Variants in CEACAM20 observed in about 807,000 individuals in gnomAD.
CEACAM20 encodes the protein CEA cell adhesion molecule 20.
In CEACAM20, 50 loss-of-function variants were observed where a neutral mutation model predicts 61.2. The observed-to-expected ratio is 0.82, with a 90% confidence interval of 0.65 to 1.03. CEACAM20 has a LOEUF of 1.03. Among genes scored for constraint, CEACAM20 ranks in the 50% least tolerant of loss-of-function variants. The pLI is 0.00. For synonymous variants in CEACAM20, 282 were observed against 287.7 expected, an observed-to-expected ratio of 0.98 and a Z score of 0.20; for missense variants, 683 against 736.4, an observed-to-expected ratio of 0.93 and a Z score of 0.84.
Position 44,521,262 on chromosome 19 carries a change from G to A in CEACAM20, c.752-510C>T, listed in dbSNP as rs539042650. On this transcript the variant is annotated intron_variant, in intron 4 of 11. Transcript: ENST00000614924. The stretch of plus-strand genomic sequence containing the variant: ...TGTCTGTTGTATATATGTGTTGAGG[G>A]TGTTGACTGTATGGTATATGGTGTG... Among the ~76,000 whole-genome samples the A allele has an allele frequency of 5.9e-5, 9 of 151,978 alleles. No homozygotes were observed. In the South Asian group the frequency reaches 1.7e-3, roughly 28 times the overall value.
At chr19:44,520,023 C>T (rs1048179619) in intron 5 of CEACAM20, among the ~76,000 whole-genome samples, 62 of 152,334 alleles carry the variant, frequency 4.1e-4, no homozygotes, top group African/African-American at 1.4e-3. Flanking sequence ...GTCTCTCAGT[C>T]TGATGGCTCT....
rs759671570 is a variant in CEACAM20 at position 44,517,019 on chromosome 19, C to T, written c.1236G>A (p.Gly412=). Residue 412 remains glycine (G), a synonymous_variant, in exon 6 of 12, where the codon GGG becomes GGA. Transcript: ENST00000614924. The part of the protein sequence containing the change: ...IIRALTWEHD[G]IYNCTASNSL... ...AGTTGGAGGCTGTGCAGTTGTAGATCCCGTCGTGTTCCCAGGTCAGAGCCC... is the reference window on the plus strand; with the variant it reads ...AGTTGGAGGCTGTGCAGTTGTAGATTCCGTCGTGTTCCCAGGTCAGAGCCC... 1 of 1,596,702 alleles carries T rather than the reference C, an allele frequency of 6.3e-7. No individual in the cohort carries two copies. The highest frequency in any genetic ancestry group is 1.3e-5 in the African/African-American group (1 of 74,766).
intron 4 of CEACAM20, among the ~76,000 whole-genome samples, chr19:44,521,868 T>C (rs1286703341): frequency 6.6e-6 from 1 of 152,110 alleles, no homozygotes; most frequent in Non-Finnish European, 1.5e-5. Context: ...TCTGTGTGTG[T>C]ACGGAGTGTG....
chr19:44,528,153 CTTTCTTTT>C lies in CEACAM20; in HGVS notation c.52+1297_52+1304del, dbSNP rs1339317468. ...TGGTATCTCTTTCTTTCTTTTCTTT[CTTTCTTTT>C]CTTTCTTTCCTTTCTTTCTTTCCTT... is the stretch of plus-strand genomic sequence containing the variant. On this transcript the variant is annotated intron_variant, in intron 1 of 11. Transcript: ENST00000614924. 4.4e-5 allele frequency among the ~76,000 whole-genome samples: 5 copies of C among 113,088 alleles called. No homozygotes were observed. The East Asian group carries it at 1.5e-3, about 33-fold the overall frequency. 74.2% of individuals were successfully genotyped at this position (113,088 alleles called of 152,430 possible).
rs146430489 is a variant in CEACAM20 at position 44,527,447 on chromosome 19, C to T, written c.52+2011G>A. ...ATGTTCCCTATCTGAGCCTCAGTTT[C>T]CCCATTTGAAAAATGGCGGTAGTAA... is the stretch of plus-strand genomic sequence containing the variant. On this transcript the variant is annotated intron_variant, in intron 1 of 11. Transcript: ENST00000614924. Among the ~76,000 whole-genome samples the T allele has an allele frequency of 4.2e-3, 632 of 152,262 alleles. 3 individuals carry two copies. Among genetic ancestry groups the T allele is most frequent in the African/African-American group, 0.015 (611 of 41,564 alleles).
chr19:44,513,351 G>T, intron 6 of CEACAM20, 62 bp from the exon 7 acceptor site: 1 of 1,119,630 alleles, frequency 8.9e-7, no homozygotes, highest in Non-Finnish European at 1.3e-6. Context: ...CTCCCAGCCC[G>T]TTCCCAAGCT....
In CEACAM20 at chr19:44,529,638, A is replaced by T; in HGVS notation, c.-129T>A. 1 of 705,106 alleles carries T rather than the reference A, an allele frequency of 1.4e-6. No individual in the cohort carries two copies. The allele number at this position is 705,106 out of a possible 1,614,324, so 43.7% of individuals were successfully genotyped here. ...TCCTCTCCCACCCTGCTACAAACTCACACACACACTGCAGTAACTGCAGCT... is the reference window on the plus strand; with the variant it reads ...TCCTCTCCCACCCTGCTACAAACTCTCACACACACTGCAGTAACTGCAGCT... On this transcript the variant is annotated 5_prime_UTR_variant, in exon 1 of 12. Coordinates refer to ENST00000614924, the MANE Select transcript of CEACAM20 (RefSeq NM_001102597.3).
rs181492260 is a variant in CEACAM20 at position 44,517,099 on chromosome 19, G to A, written c.1156C>T (p.Arg386Cys). The A allele has an allele frequency of 1.7e-5, 28 of 1,612,114 alleles. No individual in the cohort carries two copies. Among genetic ancestry groups the A allele is most frequent in the South Asian group, 8.8e-5 (8 of 90,610 alleles). ...CCGGTGGAGTGTTCAAGAGTCCAGC[G>A]ATACTCAGCACCTGGCTTGGACTCG... is the stretch of plus-strand genomic sequence containing the variant. The part of the protein sequence containing the change: ...WAESKPGAEY[R>C]WTLEHSTGEH... Residue 386 changes from arginine to cysteine, a missense_variant, in exon 6 of 12, where the codon CGC becomes TGC. Arg to Cys is a radical substitution (Grantham distance 180). Transcript: ENST00000614924.
intron 4 of CEACAM20, among the ~76,000 whole-genome samples, chr19:44,521,826 C>T (rs938922087): frequency 6.6e-6 from 1 of 152,078 alleles, no homozygotes; most frequent in Non-Finnish European, 1.5e-5. Context: ...ATTGTACATG[C>T]ACGTGAGTGT....
chr19:44,520,149 T>A (rs1428066732), intron 5 of CEACAM20, among the ~76,000 whole-genome samples: 1 of 152,184 alleles, frequency 6.6e-6, no homozygotes, highest in Non-Finnish European at 1.5e-5. Context: ...TCCAAGGATC[T>A]GGACAAATAC....
chr19:44,510,386 G>A (rs76235418), intron 11 of CEACAM20, among the ~76,000 whole-genome samples: 1 of 151,772 alleles, frequency 6.6e-6, no homozygotes, highest in Non-Finnish European at 1.5e-5. Context: ...GATGGCTCGT[G>A]CCTGCAGTCC....
intron 1 of CEACAM20, among the ~76,000 whole-genome samples, chr19:44,525,504 G>T (rs546619597): frequency 6.6e-6 from 1 of 152,208 alleles, no homozygotes. Flanking sequence ...ATGCAGTGGC[G>T]CAATCTCAGC....
chr19:44,510,552 GA>G (rs61060444), intron 11 of CEACAM20, among the ~76,000 whole-genome samples: 1 of 21,550 alleles, frequency 4.6e-5, no homozygotes, highest in Non-Finnish European at 8.0e-5. Context: ...AGGAAGGAAA[GA>G]AAGAAAGAAA....
rs778365548 is a variant in CEACAM20, at chr19:44,519,030, T to A, written c.1030+1444A>T. Among the ~76,000 whole-genome samples, 34 of 152,142 alleles carry A rather than the reference T, an allele frequency of 2.2e-4. 1 individual carries two copies. The highest frequency in any genetic ancestry group is 1.1e-3 in the Admixed American group (17 of 15,262). Reference sequence around the variant, plus strand: ...ATCCCACTCGGAGATTCCATCCTTGTTACACTCTCTCTTGCCTCAAGGCCA... The same window carrying A: ...ATCCCACTCGGAGATTCCATCCTTGATACACTCTCTCTTGCCTCAAGGCCA... On this transcript the variant is annotated intron_variant, in intron 5 of 11. Transcript: ENST00000614924.
chr19:44,528,158 TTTTCTTTCTTTCCTTTCTTTCTTTC>T (rs1971587873), intron 1 of CEACAM20, among the ~76,000 whole-genome samples: 4 of 124,830 alleles, frequency 3.2e-5, no homozygotes, highest in East Asian at 3.1e-4. Flanking sequence ...TCTTTCTTTC[TTTTCTTTCTTTCCTTTCTTTCTTTC>T]CTTTCTTTCT....
At chr19:44,510,576 GAAA>G (rs1970951358) in intron 11 of CEACAM20, among the ~76,000 whole-genome samples, 21 of 46,104 alleles carry the variant, frequency 4.6e-4, no homozygotes, top group African/African-American at 2.0e-3. Context: ...AAGAAAGAAA[GAAA>G]GAAAGAAAGA....
At position 44,520,627 on chromosome 19, in the gene CEACAM20, G is replaced by C. The variant is rs1404809679; in HGVS notation, c.877C>G (p.Pro293Ala). The C allele has an allele frequency of 1.2e-6, 2 of 1,613,892 alleles. No homozygotes were observed. Among genetic ancestry groups the C allele is most frequent in the Non-Finnish European group, 1.7e-6 (2 of 1,179,904 alleles). Reference sequence around the variant, plus strand: ...TGCAGGTGCTCACTGGGCAGGAGGGGCTGGCCACTTAGGAACCACTGGACA... The same window carrying C: ...TGCAGGTGCTCACTGGGCAGGAGGGCCTGGCCACTTAGGAACCACTGGACA... ...VNVQWFLSGQ[P>A]LLPSEHLQLS... Residue 293 changes from proline (P) to alanine (A), a missense_variant, in exon 5 of 12, where the codon CCC (proline) becomes GCC (alanine). Coordinates refer to ENST00000614924, the MANE Select transcript of CEACAM20 (RefSeq NM_001102597.3).
At position 44,511,016 on chromosome 19, in the gene CEACAM20, T is replaced by A; in HGVS notation, c.1737+14A>T. 1 of 1,613,744 alleles carries A rather than the reference T, an allele frequency of 6.2e-7. No homozygotes were observed. On this transcript the variant is annotated intron_variant, in intron 11 of 11. Transcript: ENST00000614924. ...TTTCCACCTGTCCAAAGACTCAGTG[T>A]GGCATAAACATACCTCATAGATTGA...
At chr19:44,511,614 C>T in intron 10 of CEACAM20, 23 bp downstream of exon 10, 2 of 1,609,512 alleles carry the variant, frequency 1.2e-6, no homozygotes, top group Non-Finnish European at 1.7e-6. Context: ...ATTCTTTAAC[C>T]AAACCCAGCA....
Sources: allele counts gnomAD v4.1 joint callset (sites outside exome capture counted in the v4.1 genomes callset), GRCh38; gene constraint gnomAD v4.1.1; transcripts MANE v1.5; gene names NCBI Gene and HGNC (gene_info 2026-07-23, HGNC 2026-07-21).